Variants in ADGRL2 observed in about 807,000 individuals in gnomAD.
ADGRL2 encodes the protein calcium-independent alpha-latrotoxin receptor 2.
ADGRL2 carries 44 observed loss-of-function variants against 157.4 expected under a neutral mutation model. The observed-to-expected ratio is 0.28, with a 90% CI of 0.22 to 0.36. The LOEUF is 0.36. Ranked by LOEUF, ADGRL2 falls within the 10% of genes least tolerant of loss-of-function variation. The pLI is 1.00. For missense variants in ADGRL2, 1,510 were observed against 1,768.9 expected (o/e 0.85, Z 2.63); for synonymous variants, 585 against 624.7 (o/e 0.94, Z 0.95).
At chr1:81,612,085 C>T (rs1013940168) in intron 3 of ADGRL2, among the ~76,000 whole-genome samples, 1 of 152,126 alleles carries the variant, frequency 6.6e-6, no homozygotes, top group Non-Finnish European at 1.5e-5. Flanking sequence ...TACCCAGTCT[C>T]AAGTAGTATC....
At chr1:81,418,150 C>T (rs2077063924) in intron 1 of ADGRL2, among the ~76,000 whole-genome samples, 1 of 152,070 alleles carries the variant, frequency 6.6e-6, no homozygotes, top group Non-Finnish European at 1.5e-5. Flanking sequence ...TAGGTCTCAT[C>T]AAAATGGAAT....
intron 3 of ADGRL2, among the ~76,000 whole-genome samples, chr1:81,652,830 T>C (rs1290879038): frequency 2.0e-5 from 3 of 152,222 alleles, no homozygotes; most frequent in Admixed American, 2.0e-4. Context: ...GGGGGTGATT[T>C]ATTACTTAAT....
intron 1 of ADGRL2, among the ~76,000 whole-genome samples, chr1:81,829,483 A>G (rs2091777963): frequency 1.3e-5 from 2 of 152,196 alleles, no homozygotes; most frequent in South Asian, 4.1e-4. Flanking sequence ...GTTCTTTCTT[A>G]AAGAAGTCCC....
intron 2 of ADGRL2, among the ~76,000 whole-genome samples, chr1:81,897,618 A>G (rs1051358866): frequency 2.0e-5 from 3 of 152,174 alleles, no homozygotes; most frequent in African/African-American, 7.2e-5. Flanking sequence ...AAGGCTTTTC[A>G]GAAGTAGTAG....
intron 11 of ADGRL2, among the ~76,000 whole-genome samples, chr1:81,962,818 A>G (rs1022614723): frequency 5.3e-5 from 8 of 152,028 alleles, no homozygotes; most frequent in Admixed American, 3.9e-4. Flanking sequence ...CATGTCTATT[A>G]TTTGCTGCTT....
chr1:81,463,749 C>T (rs769046336), intron 2 of ADGRL2, among the ~76,000 whole-genome samples: 2 of 152,186 alleles, frequency 1.3e-5, no homozygotes, highest in Non-Finnish European at 2.9e-5. Flanking sequence ...ACTTACTTCA[C>T]AAGGTCGTGT....
intron 3 of ADGRL2, among the ~76,000 whole-genome samples, chr1:81,590,988 A>C (rs911313276): frequency 6.6e-6 from 1 of 152,174 alleles, no homozygotes; most frequent in East Asian, 1.9e-4. Flanking sequence ...ACATGCAGTC[A>C]AGTCCTAGAT....
At chr1:81,371,257 T>C (rs1456350962) in intron 1 of ADGRL2, among the ~76,000 whole-genome samples, 3 of 152,198 alleles carry the variant, frequency 2.0e-5, no homozygotes, top group African/African-American at 7.2e-5. Context: ...CTCAGTGTTC[T>C]GTGCAAATTA....
chr1:81,635,222 T>C (rs758655088), intron 3 of ADGRL2, among the ~76,000 whole-genome samples: 5 of 152,204 alleles, frequency 3.3e-5, no homozygotes, highest in Non-Finnish European at 7.3e-5. Context: ...CCTCTCTCCG[T>C]GTTCGCCTTC....
chr1:81,653,052 TCTGTAACTC>T (rs1420709329), intron 3 of ADGRL2, among the ~76,000 whole-genome samples: 1 of 152,206 alleles, frequency 6.6e-6, no homozygotes, highest in Admixed American at 6.6e-5. Context: ...TCCTGTGGTC[TCTGTAACTC>T]CTTTAAATTG....
chr1:81,816,942 T>A (rs2090460644), intron 1 of ADGRL2, among the ~76,000 whole-genome samples: 1 of 151,086 alleles, frequency 6.6e-6, no homozygotes, highest in Admixed American at 6.6e-5. Context: ...TCATGAATGT[T>A]GAATTCTTAG....
intron 3 of ADGRL2, among the ~76,000 whole-genome samples, chr1:81,614,412 C>T (rs985616711): frequency 6.6e-6 from 1 of 152,168 alleles, no homozygotes; most frequent in Non-Finnish European, 1.5e-5. Flanking sequence ...GGTATAGTAA[C>T]TGGGGACTGT....
At chr1:81,415,510 A>G (rs989453544) in intron 1 of ADGRL2, among the ~76,000 whole-genome samples, 1 of 152,230 alleles carries the variant, frequency 6.6e-6, no homozygotes, top group African/African-American at 2.4e-5. Context: ...AAGATACGAT[A>G]AGAGGAAAGG....
intron 1 of ADGRL2, among the ~76,000 whole-genome samples, chr1:81,725,399 C>T (rs1381321678): frequency 2.0e-5 from 3 of 151,632 alleles, no homozygotes; most frequent in South Asian, 2.1e-4. Flanking sequence ...ATTAGCTGGG[C>T]GTGGTAGCAG....
intron 2 of ADGRL2, among the ~76,000 whole-genome samples, chr1:81,509,358 C>T (rs75674406): frequency 0.16 from 23,596 of 151,700 alleles, 1,952 homozygotes; most frequent in South Asian, 0.19. Context: ...GGAAAAAATA[C>T]CTAAGTGATA....
intron 2 of ADGRL2, among the ~76,000 whole-genome samples, chr1:81,538,228 A>G (rs1366563683): frequency 6.6e-6 from 1 of 152,196 alleles, no homozygotes; most frequent in Non-Finnish European, 1.5e-5. Flanking sequence ...ACCCTGAAAC[A>G]CAGTGGCTCA....
chr1:81,395,100 G>A (rs988556231), intron 1 of ADGRL2, among the ~76,000 whole-genome samples: 3 of 151,882 alleles, frequency 2.0e-5, no homozygotes, highest in African/African-American at 4.8e-5. Flanking sequence ...TTGTAGCGAC[G>A]GGTATTCACC....
chr1:81,543,610 C>G (rs1016676613), intron 2 of ADGRL2, among the ~76,000 whole-genome samples: 2 of 152,206 alleles, frequency 1.3e-5, no homozygotes, highest in African/African-American at 2.4e-5. Context: ...GAATTAACAT[C>G]GCCTTTCACT....
chr1:81,869,812 T>G (rs1367001184), intron 2 of ADGRL2, among the ~76,000 whole-genome samples: 1 of 152,076 alleles, frequency 6.6e-6, no homozygotes, highest in Non-Finnish European at 1.5e-5. Context: ...TTAAAATTTT[T>G]TAGATTTAAG....
Sources: allele counts gnomAD v4.1 joint callset (sites outside exome capture counted in the v4.1 genomes callset), GRCh38; gene constraint gnomAD v4.1.1; transcripts MANE v1.5; gene names NCBI Gene and HGNC (gene_info 2026-07-23, HGNC 2026-07-21).